Variants in FSTL4 observed in about 807,000 individuals in gnomAD.
FSTL4 encodes the protein follistatin-related protein 4.
A neutral mutation model predicts 78.2 loss-of-function variants in FSTL4; 28 were observed. That is an observed-to-expected ratio of 0.36 (90% CI 0.27 to 0.49). The LOEUF is 0.49. FSTL4 is among the 20% of genes least tolerant of loss of function. FSTL4 has a pLI of 0.98. For synonymous variants in FSTL4, 422 were observed against 440.5 expected (o/e 0.96, Z 0.53); for missense variants, 922 against 1,084.9 (o/e 0.85, Z 2.11).
At chr5:133,375,377 T>G (rs1048019594) in intron 4 of FSTL4, among the ~76,000 whole-genome samples, 1 of 146,754 alleles carries the variant, frequency 6.8e-6, no homozygotes, top group Non-Finnish European at 1.5e-5. Context: ...ATCACTTTTA[T>G]TTTTCTCTTT....
Position 133,361,387 on chromosome 5 carries a change from C to A in FSTL4, c.409+39351G>T, listed in dbSNP as rs569146588. On this transcript the variant is annotated intron_variant, in intron 4 of 15. Coordinates refer to ENST00000265342, the MANE Select transcript of FSTL4 (RefSeq NM_015082.2). The surrounding 1 kb of genome is among the most constrained non-coding windows in gnomAD (Gnocchi z 4.3). ...TATTTACTATCTAATTGAGAAGCAC[C>A]CTTTCTGTCATCTGCAGTTTCTTCT... Among the ~76,000 whole-genome samples, 1 of 152,260 alleles carries A rather than the reference C, an allele frequency of 6.6e-6. No homozygotes were observed. The highest frequency in any genetic ancestry group is 2.4e-5 in the African/African-American group (1 of 41,562).
intron 3 of FSTL4, among the ~76,000 whole-genome samples, chr5:133,416,472 G>A (rs1404781534): frequency 2.0e-5 from 3 of 152,188 alleles, no homozygotes; most frequent in African/African-American, 7.2e-5. Flanking sequence ...GCGGGTGAAA[G>A]AGAAACAACA....
chr5:133,496,256 CA>C (rs1223485822), intron 3 of FSTL4, among the ~76,000 whole-genome samples: 2 of 152,190 alleles, frequency 1.3e-5, no homozygotes, highest in African/African-American at 4.8e-5. Flanking sequence ...GGTATGGAAA[CA>C]GTCAAACAAA....
At chr5:133,579,591 A>C (rs26361) in intron 2 of FSTL4, among the ~76,000 whole-genome samples, 11,775 of 152,188 alleles carry the variant, frequency 0.077, 524 homozygotes, top group Non-Finnish European at 0.097. Context: ...GGAAAGGGGG[A>C]AGGAGTTCAT....
chr5:133,330,830 C>A (rs1754328540), intron 4 of FSTL4, among the ~76,000 whole-genome samples: 1 of 152,196 alleles, frequency 6.6e-6, no homozygotes, highest in African/African-American at 2.4e-5. Flanking sequence ...TGTGGCCTTA[C>A]TTCTTTTCAC....
intron 1 of FSTL4, among the ~76,000 whole-genome samples, chr5:133,607,231 A>G (rs905736276): frequency 2.0e-5 from 3 of 152,226 alleles, no homozygotes; most frequent in African/African-American, 4.8e-5. Context: ...ACAATTCATT[A>G]TATCTACAGC....
intron 3 of FSTL4, among the ~76,000 whole-genome samples, chr5:133,564,865 G>A (rs1031353457): frequency 2.0e-5 from 3 of 152,136 alleles, no homozygotes; most frequent in African/African-American, 7.2e-5. Flanking sequence ...GATTTGGCTT[G>A]GACTCGATTT....
intron 4 of FSTL4, among the ~76,000 whole-genome samples, chr5:133,364,836 T>C (rs1023462681): frequency 3.3e-5 from 5 of 152,228 alleles, no homozygotes; most frequent in African/African-American, 9.6e-5. Context: ...ATTCTGTGTA[T>C]GCTGTTTCTC....
chr5:133,782,251 G>A, the FSTL4 span, among the ~76,000 whole-genome samples: 8 of 152,376 alleles, frequency 5.3e-5, no homozygotes, highest in African/African-American at 1.9e-4. Context: ...AATCGGCAAA[G>A]ACATATTTTA....
the FSTL4 span, among the ~76,000 whole-genome samples, chr5:133,764,490 C>T: frequency 2.0e-5 from 3 of 152,202 alleles, no homozygotes; most frequent in Admixed American, 6.5e-5. Context: ...ATGCCATAGG[C>T]AAGCCAAAGA....
chr5:133,530,877 C>T (rs764609704), intron 3 of FSTL4, among the ~76,000 whole-genome samples: 1 of 152,216 alleles, frequency 6.6e-6, no homozygotes, highest in Non-Finnish European at 1.5e-5. Flanking sequence ...CACACAGGCC[C>T]TGAGTGGGCT....
Position 133,312,701 on chromosome 5 carries a change from T to G in FSTL4, c.680A>C (p.Tyr227Ser). The G allele has an allele frequency of 6.2e-7, 1 of 1,614,028 alleles. No individual in the cohort carries two copies. The highest frequency in any genetic ancestry group is 8.5e-7 in the Non-Finnish European group (1 of 1,179,910). Residue 227 changes from tyrosine (Y) to serine (S), a missense_variant, in exon 6 of 16, where the codon TAC becomes TCC. Transcript: ENST00000265342. Reference sequence around the variant, plus strand: ...GAGGGTCAGGGAGCTGTCACTGTTGTAATCGTCAAATCGGAGGAGGTCACC... The same window carrying G: ...GAGGGTCAGGGAGCTGTCACTGTTGGAATCGTCAAATCGGAGGAGGTCACC... Reference protein sequence around the residue: ...SPGDLLRFDDYNSDSSLTLRE... With the variant: ...SPGDLLRFDDSNSDSSLTLRE...
the FSTL4 span, among the ~76,000 whole-genome samples, chr5:133,767,423 G>T: frequency 6.6e-6 from 1 of 152,180 alleles, no homozygotes; most frequent in African/African-American, 2.4e-5. Flanking sequence ...TGCTGATATG[G>T]TTAGACATAA....
chr5:133,794,594 G>T, the FSTL4 span, among the ~76,000 whole-genome samples: 1 of 152,212 alleles, frequency 6.6e-6, no homozygotes, highest in Admixed American at 6.5e-5. Flanking sequence ...GGTAACAAAT[G>T]TGTGAACAGA....
chr5:133,296,465 TG>T (rs1371302444), intron 6 of FSTL4, among the ~76,000 whole-genome samples: 2 of 152,170 alleles, frequency 1.3e-5, no homozygotes, highest in Non-Finnish European at 2.9e-5. Flanking sequence ...AAAACAAAAG[TG>T]CTTAGGTTAG....
At chr5:133,610,844 T>G (rs1761074273) in intron 1 of FSTL4, among the ~76,000 whole-genome samples, 1 of 152,220 alleles carries the variant, frequency 6.6e-6, no homozygotes, top group South Asian at 2.1e-4. Context: ...TCCTAGTCGC[T>G]CACTGATCCG....
At chr5:133,262,082 G>T (rs1352421577) in intron 6 of FSTL4, among the ~76,000 whole-genome samples, 2 of 152,042 alleles carry the variant, frequency 1.3e-5, no homozygotes, top group East Asian at 3.8e-4. Flanking sequence ...TCAGGCAAAG[G>T]TTAAGTCTCG....
chr5:133,733,161 C>T, the FSTL4 span, among the ~76,000 whole-genome samples: 2 of 152,324 alleles, frequency 1.3e-5, no homozygotes, highest in East Asian at 3.9e-4. Context: ...ACATAGGAAT[C>T]AGTCATTCTG....
At chr5:133,520,171 T>C (rs1348484177) in intron 3 of FSTL4, among the ~76,000 whole-genome samples, 1 of 152,196 alleles carries the variant, frequency 6.6e-6, no homozygotes, top group Non-Finnish European at 1.5e-5. Flanking sequence ...GCATTGCTTA[T>C]GTACTTAAAA....
Sources: allele counts gnomAD v4.1 joint callset (sites outside exome capture counted in the v4.1 genomes callset), GRCh38; gene constraint gnomAD v4.1.1; non-coding constraint Gnocchi (gnomAD v3.1); transcripts MANE v1.5; gene names NCBI Gene and HGNC (gene_info 2026-07-23, HGNC 2026-07-21).